CD109: variants seen among roughly 807,000 people sequenced by gnomAD.
CD109 encodes CD109 molecule.
A neutral mutation model predicts 165.8 loss-of-function variants in CD109; 149 were observed. The ratio of observed to expected loss-of-function variants is 0.90; its 90% CI spans 0.79 to 1.03. The LOEUF (loss-of-function observed/expected upper bound fraction) is 1.03. CD109 is among the 50% of genes least tolerant of loss of function. The pLI, the probability that CD109 is intolerant of heterozygous loss-of-function variation, is 0.00. For synonymous variants in CD109, 585 were observed against 592.1 expected (o/e 0.99, Z 0.18); for missense variants, 1,712 against 1,677.8 (o/e 1.02, Z -0.36).
Position 73,818,609 on chromosome 6 carries a change from G to A in CD109, c.4059+74G>A, listed in dbSNP as rs1320017699. On this transcript the variant is annotated intron_variant, in intron 31 of 32. Transcript: ENST00000287097. ...TATTCAGGTGTCTACCTTACTTTAAGTATGTTTTCTTTAATTCATTGTTAT... is the reference window on the plus strand; with the variant it reads ...TATTCAGGTGTCTACCTTACTTTAAATATGTTTTCTTTAATTCATTGTTAT... The A allele has an allele frequency of 2.5e-5, 35 of 1,394,472 alleles. No homozygotes were observed. The East Asian group carries it at 7.5e-4, about 30-fold the overall frequency. The allele number at this position is 1,394,472 out of a possible 1,614,324, so 86.4% of individuals were successfully genotyped here.
At chr6:73,744,454 G>T (rs1772905705) in intron 5 of CD109, among the ~76,000 whole-genome samples, 2 of 152,252 alleles carry the variant, frequency 1.3e-5, no homozygotes, top group East Asian at 3.9e-4. Flanking sequence ...ATATATGGTT[G>T]CTGTATTTGA....
At chr6:73,751,838 A>G (rs969004355) in intron 5 of CD109, among the ~76,000 whole-genome samples, 1 of 152,066 alleles carries the variant, frequency 6.6e-6, no homozygotes, top group Admixed American at 6.5e-5. Context: ...TTCTAGTTTT[A>G]TTTTTATCTT....
At chr6:73,706,562 G>T (rs1475185858) in intron 2 of CD109, among the ~76,000 whole-genome samples, 2 of 152,172 alleles carry the variant, frequency 1.3e-5, no homozygotes, top group Non-Finnish European at 2.9e-5. Context: ...GGATTAAAGT[G>T]GATCTTGGTC....
In CD109 at chr6:73,812,287, A is replaced by AT. The variant is rs766136357; in HGVS notation, c.3768+24dup. The AT allele has an allele frequency of 1.3e-6, 2 of 1,543,532 alleles. No individual in the cohort carries two copies. The highest frequency in any genetic ancestry group is 1.8e-6 in the Non-Finnish European group (2 of 1,126,092). ...ATTTGTCAGGTATGTAACGATGCTT[A>AT]TTTTTTTAAGTTAAATATGACTTTT... On this transcript the variant is annotated intron_variant, in intron 29 of 32. Coordinates refer to ENST00000287097, the MANE Select transcript of CD109 (RefSeq NM_133493.5).
the CD109 span, among the ~76,000 whole-genome samples, chr6:73,686,102 G>T: frequency 6.6e-6 from 1 of 152,158 alleles, no homozygotes; most frequent in Non-Finnish European, 1.5e-5. Flanking sequence ...TTGGGAAAGG[G>T]GTAACTTGAG....
intron 2 of CD109, among the ~76,000 whole-genome samples, chr6:73,709,535 A>G (rs1179737060): frequency 2.0e-5 from 3 of 152,194 alleles, no homozygotes; most frequent in African/African-American, 4.8e-5. Flanking sequence ...CAGTTCTGTG[A>G]AGAAAGTCAT....
chr6:73,718,414 G>A (rs1022559414), intron 2 of CD109, among the ~76,000 whole-genome samples: 1 of 151,940 alleles, frequency 6.6e-6, no homozygotes, highest in Non-Finnish European at 1.5e-5. Flanking sequence ...TTATGTTGAG[G>A]TGTGTTCCTT....
At chr6:73,684,031 G>A in the CD109 span, among the ~76,000 whole-genome samples, 1 of 152,162 alleles carries the variant, frequency 6.6e-6, no homozygotes, top group African/African-American at 2.4e-5. Flanking sequence ...TGGGCATTTA[G>A]ATTGATATCA....
In CD109 at chr6:73,767,009, T is replaced by C; in HGVS notation, c.1496T>C (p.Met499Thr). 5 of 1,610,772 alleles carry C rather than the reference T, an allele frequency of 3.1e-6. No individual in the cohort carries two copies. Among genetic ancestry groups the C allele is most frequent in the Non-Finnish European group, 4.2e-6 (5 of 1,177,346 alleles). The change falls in exon 13 of 33, where the codon ATG (methionine) becomes ACG (threonine). Residue 499 changes from methionine (M) to threonine (T), a missense_variant and splice_region_variant. Physicochemically the swap from Met to Thr is moderately conservative, Grantham distance 81 (BLOSUM62 -1). Coordinates refer to ENST00000287097, the MANE Select transcript of CD109 (RefSeq NM_133493.5). The stretch of plus-strand genomic sequence containing the variant: ...AAACGATTGAAGGAGTTAAGCTATA[T>C]GGTAATCTCTTATAGAATCTAAATT... ...GNKRLKELSY[M>T]VVSRGQLVAV...
Position 73,788,381 on chromosome 6 carries a change from G to T in CD109, c.2557-87G>T, listed in dbSNP as rs929959042. 4 of 1,186,834 alleles carry T rather than the reference G, an allele frequency of 3.4e-6. No individual in the cohort carries two copies. The African/African-American group carries it at 4.7e-5, about 14-fold the overall frequency. The allele number at this position is 1,186,834 out of a possible 1,614,324, so 73.5% of individuals were successfully genotyped here. On this transcript the variant is annotated intron_variant, in intron 21 of 32. Coordinates refer to ENST00000287097, the MANE Select transcript of CD109 (RefSeq NM_133493.5). ...CACACACAAACCTCAGACACAACAG[G>T]TCAGATGTTTGTGCTCATATCTGCG...
Position 73,697,495 on chromosome 6 carries a change from C to T in CD109, c.170C>T (p.Thr57Ile). ...ELLEHCPSQV[T>I]VKAELLKTAS... ...CTGGAACACTGCCCTTCACAGGTGA[C>T]TGTGAAGGCGGAGCTGCTCAAGACA... Residue 57 changes from threonine (T) to isoleucine (I), a missense_variant, in exon 2 of 33, where the codon ACT becomes ATT. Thr to Ile is a moderately conservative substitution (Grantham distance 89, BLOSUM62 -1). Transcript: ENST00000287097. 1 of 1,614,134 alleles carries T rather than the reference C, an allele frequency of 6.2e-7. No homozygotes were observed. The highest frequency in any genetic ancestry group is 8.5e-7 in the Non-Finnish European group (1 of 1,179,982).
At position 73,792,813 on chromosome 6, in the gene CD109, T is replaced by G. The variant is rs1775023037; in HGVS notation, c.2878+11T>G. The G allele has an allele frequency of 1.3e-6, 2 of 1,599,466 alleles. No individual in the cohort carries two copies. Among genetic ancestry groups the G allele is most frequent in the African/African-American group, 2.7e-5 (2 of 74,082 alleles). On this transcript the variant is annotated intron_variant, in intron 23 of 32. Transcript: ENST00000287097. ...CATTTATGAGGCAAGGTAAGCATTT[T>G]AGAGACCTACATTTGTTCGTAGAAA...
chr6:73,795,971 T>C (rs16884120), intron 23 of CD109, among the ~76,000 whole-genome samples: 5,828 of 152,290 alleles, frequency 0.038, 460 homozygotes, highest in East Asian at 0.3. Context: ...ATATCAGCTA[T>C]AGTAGAATTA....
rs557902629 is a variant in CD109, at chr6:73,822,844, G to C, written c.4163-614G>C. On this transcript the variant is annotated intron_variant, in intron 32 of 32. Coordinates refer to ENST00000287097, the MANE Select transcript of CD109 (RefSeq NM_133493.5). ...TCTCTGAAAAATCATGAATAAATTT[G>C]AAAATAGAATATGTTTTTTAAAAAT... Among the ~76,000 whole-genome samples, 97 of 152,230 alleles carry C rather than the reference G, an allele frequency of 6.4e-4. 6 individuals carry two copies. The South Asian group carries it at 0.02, about 31-fold the overall frequency.
At chr6:73,779,296 T>C (rs1774379483) in intron 15 of CD109, among the ~76,000 whole-genome samples, 1 of 151,474 alleles carries the variant, frequency 6.6e-6, no homozygotes, top group South Asian at 2.1e-4. Context: ...TTACCCAGGC[T>C]GGAGTGCAAT....
chr6:73,766,901 A>G, intron 12 of CD109, 41 bp downstream of exon 12: 1 of 1,607,322 alleles, frequency 6.2e-7, no homozygotes, highest in South Asian at 1.1e-5. Context: ...ATATAATTGG[A>G]CTATCTTGCT....
chr6:73,743,297 A>G (rs989250037), intron 5 of CD109, among the ~76,000 whole-genome samples: 1 of 152,196 alleles, frequency 6.6e-6, no homozygotes, highest in Non-Finnish European at 1.5e-5. Flanking sequence ...TCTCAATCTT[A>G]AGCCATTGTT....
intron 23 of CD109, among the ~76,000 whole-genome samples, chr6:73,795,146 C>T (rs1775111586): frequency 7.0e-6 from 1 of 142,218 alleles, no homozygotes; most frequent in African/African-American, 2.7e-5. Flanking sequence ...GAAGTAGAAA[C>T]TACATAGGAA....
chr6:73,781,434 G>A, intron 17 of CD109, 115 bp downstream of exon 17: 1 of 869,272 alleles, frequency 1.2e-6, no homozygotes, highest in Non-Finnish European at 1.8e-6. Flanking sequence ...TCATTTTTTT[G>A]TTCTCTTCTC....
Sources: gnomAD v4.1 joint callset for allele counts (sites outside exome capture counted in the v4.1 genomes callset) on GRCh38, gnomAD v4.1.1 for gene constraint, MANE v1.5 for transcripts, NCBI Gene and HGNC (gene_info 2026-07-23, HGNC 2026-07-21) for gene names.